U2AF2: variants seen among roughly 807,000 people sequenced by gnomAD.
U2AF2 encodes the protein U2 small nuclear RNA auxiliary factor 2.
U2AF2 carries 6 observed loss-of-function variants against 52.6 expected under a neutral mutation model. That is an observed-to-expected ratio of 0.11 (90% confidence interval 0.06 to 0.23). The LOEUF (loss-of-function observed/expected upper bound fraction) is 0.23, where lower values mean the gene tolerates loss of function less well. Ranked by LOEUF, U2AF2 falls within the 10% of genes least tolerant of loss-of-function variation. The pLI is 1.00. For missense variants in U2AF2, 222 were observed against 677.1 expected (o/e 0.33, Z 7.46); for synonymous variants, 284 against 258.2 (o/e 1.10, Z -0.96).
intron 1 of U2AF2, among the ~76,000 whole-genome samples, chr19:55,656,025 G>T (rs1311818122): frequency 1.3e-5 from 2 of 152,220 alleles, no homozygotes; most frequent in African/African-American, 4.8e-5. Context: ...CTGGCCCACT[G>T]CGCTAAACTC....
chr19:55,666,856 C>T (rs1984580291), intron 7 of U2AF2, among the ~76,000 whole-genome samples: 1 of 152,248 alleles, frequency 6.6e-6, no homozygotes. Context: ...CTGCAGCCTG[C>T]CATGCTGCCT....
intron 7 of U2AF2, 117 bp downstream of exon 7, chr19:55,663,861 G>A: frequency 1.4e-6 from 2 of 1,471,524 alleles, no homozygotes; most frequent in Non-Finnish European, 1.8e-6. Context: ...GTGGAAGATA[G>A]GTGCCTTTTC....
Position 55,662,539 on chromosome 19 carries a change from TG to T in U2AF2, c.531del (p.Leu178Ter). ...MMDFFNAQMRLGGLTQAPGNP... is the reference protein window; with the variant it reads ...MMDFFNAQMRXGGLTQAPGNP... Reference sequence around the variant, plus strand: ...GATTTCTTCAACGCCCAGATGCGCCTGGGGGGGCTGACCCAGGCCCCTGGCA... The same window carrying T: ...GATTTCTTCAACGCCCAGATGCGCCTGGGGGGCTGACCCAGGCCCCTGGCA... On this transcript the variant is annotated frameshift_variant, in exon 6 of 12. Transcript: ENST00000308924. LOFTEE classifies it high-confidence loss of function. 1.3e-6 allele frequency: 2 copies of T among 1,487,178 alleles called. No homozygotes were observed. The highest frequency in any genetic ancestry group is 1.8e-6 in the Non-Finnish European group (2 of 1,104,010). The allele number at this position is 1,487,178 out of a possible 1,614,324, so 92.1% of individuals were successfully genotyped here.
intron 7 of U2AF2, among the ~76,000 whole-genome samples, chr19:55,666,244 G>A (rs573032810): frequency 6.6e-6 from 1 of 152,344 alleles, no homozygotes; most frequent in Non-Finnish European, 1.5e-5. Flanking sequence ...TACAGATGAG[G>A]AAAGAGCTTC....
intron 11 of U2AF2, among the ~76,000 whole-genome samples, chr19:55,671,049 C>CA (rs1984886354): frequency 6.6e-6 from 1 of 152,142 alleles, no homozygotes; most frequent in Admixed American, 6.5e-5. Context: ...CTTCTTATGT[C>CA]ATGGAAGCAG....
At chr19:55,666,591 A>G (rs1984564855) in intron 7 of U2AF2, among the ~76,000 whole-genome samples, 1 of 152,210 alleles carries the variant, frequency 6.6e-6, no homozygotes, top group South Asian at 2.1e-4. Flanking sequence ...CGATTGAATC[A>G]GCACTTGGCC....
In U2AF2 at chr19:55,670,498, T is replaced by TC. The variant is rs571695921; in HGVS notation, c.1293+808dup. ...ACCCTGCTGTCCGTGCACCCTGCTG[T>TC]CCGTGCACCCTGCTGTCCCGTGCAC... On this transcript the variant is annotated intron_variant, in intron 11 of 11. Transcript: ENST00000308924. The TC allele has an allele frequency of 1.1e-3, 301 of 279,686 alleles. 1 individual carries two copies. Among genetic ancestry groups the TC allele is most frequent in the African/African-American group, 4.2e-3 (99 of 23,600 alleles). 17.3% of individuals were successfully genotyped at this position (279,686 alleles called of 1,614,324 possible).
intron 1 of U2AF2, among the ~76,000 whole-genome samples, chr19:55,658,315 G>A (rs953648659): frequency 2.1e-4 from 22 of 102,358 alleles, no homozygotes; most frequent in African/African-American, 8.2e-4. Context: ...CCATGCTCAT[G>A]GTTTATCCTC....
chr19:55,664,016 C>T (rs1030519482), intron 7 of U2AF2: 13 of 396,860 alleles, frequency 3.3e-5, no homozygotes, highest in Non-Finnish European at 5.4e-5. Context: ...GCTGGGGAAG[C>T]GAGGGGCTTG....
chr19:55,655,182 G>C (rs961140786), intron 1 of U2AF2, 29 bp downstream of exon 1: 3 of 1,595,056 alleles, frequency 1.9e-6, no homozygotes, highest in Non-Finnish European at 2.6e-6. Flanking sequence ...CGGGGCGGAG[G>C]TGTGGGCGGC....
intron 11 of U2AF2, chr19:55,671,911 G>A (rs1390645686): frequency 6.6e-6 from 1 of 152,206 alleles, no homozygotes; most frequent in East Asian, 1.9e-4. Context: ...CGGATCATGA[G>A]GTCAGGAGTT....
At chr19:55,664,023 C>T in intron 7 of U2AF2, 1 of 383,484 alleles carries the variant, frequency 2.6e-6, no homozygotes, top group Non-Finnish European at 4.7e-6. Flanking sequence ...AAGCGAGGGG[C>T]TTGTGGCCTG....
In U2AF2 at chr19:55,668,967, C is replaced by T; in HGVS notation, c.946-116C>T. 1 of 1,479,042 alleles carries T rather than the reference C, an allele frequency of 6.8e-7. No individual in the cohort carries two copies. Among genetic ancestry groups the T allele is most frequent in the South Asian group, 1.3e-5 (1 of 78,390 alleles). The allele number at this position is 1,479,042 out of a possible 1,614,324, so 91.6% of individuals were successfully genotyped here. A position where few individuals can be genotyped will look rare whatever the true frequency, so the allele number is the denominator to read the frequency against. The stretch of plus-strand genomic sequence containing the variant: ...GTTGGCTTTTTCCAGGCTCTTAATC[C>T]CCTTTGCCTTCCCCTCTTCCCCCAC... On this transcript the variant is annotated intron_variant, in intron 9 of 11. Coordinates refer to ENST00000308924, the MANE Select transcript of U2AF2 (RefSeq NM_007279.3). This position sits in a 1 kb window ranked among gnomAD's most constrained non-coding sequence, Gnocchi z 5.5.
At chr19:55,670,049 T>G (rs1984794089) in intron 11 of U2AF2, among the ~76,000 whole-genome samples, 1 of 151,954 alleles carries the variant, frequency 6.6e-6, no homozygotes, top group Non-Finnish European at 1.5e-5. Flanking sequence ...GTCTGTGGAG[T>G]GGGGAAGAGT....
At chr19:55,658,343 C>T (rs555406101) in intron 1 of U2AF2, among the ~76,000 whole-genome samples, 3 of 137,926 alleles carry the variant, frequency 2.2e-5, no homozygotes, top group Admixed American at 7.8e-5. Flanking sequence ...AAGGGCCGGT[C>T]TCTCTTCAGG....
rs59262812 is a variant in U2AF2 at position 55,661,499 on chromosome 19, GACACACACACACAC to G, written c.486+340_486+353del. ...GGAGAGAGACAGAGAGGGAGACTTG[GACACACACACACAC>G]ACACACACACACACACACACACACA... On this transcript the variant is annotated intron_variant, in intron 5 of 11. Coordinates refer to ENST00000308924, the MANE Select transcript of U2AF2 (RefSeq NM_007279.3). Among the ~76,000 whole-genome samples, 1,254 of 145,190 alleles carry G rather than the reference GACACACACACACAC, an allele frequency of 8.6e-3. 20 individuals are homozygous for G. Among genetic ancestry groups the G allele is most frequent in the African/African-American group, 0.03 (1,182 of 39,168 alleles).
intron 11 of U2AF2, chr19:55,670,549 C>CGTGCACCCTGCTGTCT (rs1984846518): frequency 9.3e-6 from 3 of 322,966 alleles, no homozygotes; most frequent in African/African-American, 4.8e-5. Flanking sequence ...CCCTGCTGTC[C>CGTGCACCCTGCTGTCT]GTGCAGCTGT....
At chr19:55,659,388 G>C in intron 2 of U2AF2, 43 bp downstream of exon 2, 4 of 1,442,638 alleles carry the variant, frequency 2.8e-6, no homozygotes, top group Non-Finnish European at 3.7e-6. Flanking sequence ...TGGGAGTCGG[G>C]GGGTCGGTGT....
rs549730011 is a variant in U2AF2 at position 55,663,817 on chromosome 19, C to G, written c.742+73C>G. The G allele has an allele frequency of 2.5e-6, 4 of 1,588,364 alleles. No individual in the cohort carries two copies. In the East Asian group the frequency reaches 9.0e-5, roughly 36 times the overall value. On this transcript the variant is annotated intron_variant, in intron 7 of 11. Transcript: ENST00000308924. ...CCATGGCCTGTCCATCCCTTCAGCC[C>G]AGCTGGAGTGGCTTAGGAAGTTGTG...
Sources: allele counts gnomAD v4.1 joint callset (sites outside exome capture counted in the v4.1 genomes callset), GRCh38; gene constraint gnomAD v4.1.1; non-coding constraint Gnocchi (gnomAD v3.1); transcripts MANE v1.5; gene names NCBI Gene and HGNC (gene_info 2026-07-23, HGNC 2026-07-21).